FGF14: variants seen among roughly 807,000 people sequenced by gnomAD.
FGF14 encodes fibroblast growth factor 14.
FGF14 carries 5 observed loss-of-function variants against 25.5 expected under a neutral mutation model. The observed-to-expected ratio is 0.20, with a 90% CI of 0.10 to 0.41. The LOEUF (loss-of-function observed/expected upper bound fraction) is 0.41. Among genes scored for constraint, FGF14 ranks in the 10% least tolerant of loss-of-function variants. FGF14 has a pLI of 1.00. For synonymous variants in FGF14, 138 were observed against 118.3 expected (o/e 1.17, Z -1.08); for missense variants, 222 against 320.1 (o/e 0.69, Z 2.34).
intron 1 of FGF14, among the ~76,000 whole-genome samples, chr13:101,909,817 C>A (rs1197734895): frequency 6.6e-6 from 1 of 152,118 alleles, no homozygotes; most frequent in African/African-American, 2.4e-5. Context: ...GCACTATTCA[C>A]AATAGCAAAG....
chr13:102,081,079 A>G (rs550338062), intron 1 of FGF14, among the ~76,000 whole-genome samples: 1 of 152,384 alleles, frequency 6.6e-6, no homozygotes, highest in Non-Finnish European at 1.5e-5. Context: ...GAAGGTTGAA[A>G]TAGCAGGAGG....
intron 1 of FGF14, among the ~76,000 whole-genome samples, chr13:102,370,123 CTGGAATGACAGGCA>C (rs1212628869): frequency 5.3e-5 from 8 of 152,202 alleles, no homozygotes; most frequent in African/African-American, 1.9e-4. Context: ...TCCTGAGTAG[CTGGAATGACAGGCA>C]TATGCCACCA....
At chr13:102,357,118 A>G (rs534047800) in intron 1 of FGF14, among the ~76,000 whole-genome samples, 1,019 of 61,516 alleles carry the variant, frequency 0.017, 11 homozygotes, top group African/African-American at 0.053. Context: ...TACTTCCATT[A>G]TAATGTTTTT....
chr13:101,728,781 T>G (rs1443822136), intron 3 of FGF14, among the ~76,000 whole-genome samples: 1 of 152,146 alleles, frequency 6.6e-6, no homozygotes, highest in African/African-American at 2.4e-5. Context: ...CAGGGGAATC[T>G]GGCTCTGCCT....
intron 1 of FGF14, among the ~76,000 whole-genome samples, chr13:102,226,639 A>T (rs2050836749): frequency 6.6e-6 from 1 of 152,074 alleles, no homozygotes; most frequent in Non-Finnish European, 1.5e-5. Context: ...TCATCTCTGA[A>T]ATCTGCTTAT....
intron 3 of FGF14, among the ~76,000 whole-genome samples, chr13:101,867,829 T>C (rs188042689): frequency 6.6e-6 from 1 of 150,948 alleles, no homozygotes; most frequent in East Asian, 2.0e-4. Context: ...ATTTCCCAAA[T>C]TGACTGAAGA....
At chr13:102,275,086 G>A (rs963801507) in intron 1 of FGF14, among the ~76,000 whole-genome samples, 5 of 151,916 alleles carry the variant, frequency 3.3e-5, no homozygotes, top group African/African-American at 7.3e-5. Flanking sequence ...CATATTTGAA[G>A]CATTTTCTCC....
At chr13:101,935,646 C>T (rs1028903915) in intron 1 of FGF14, among the ~76,000 whole-genome samples, 8 of 152,104 alleles carry the variant, frequency 5.3e-5, no homozygotes, top group African/African-American at 1.9e-4. Context: ...TGAGGCCTCC[C>T]CAGCCATGCG....
At chr13:101,934,824 C>T (rs754648428) in intron 1 of FGF14, among the ~76,000 whole-genome samples, 5 of 152,044 alleles carry the variant, frequency 3.3e-5, no homozygotes, top group African/African-American at 4.8e-5. Flanking sequence ...GACTGTCTGC[C>T]GGGTGAGTAT....
At chr13:102,074,576 A>G (rs1380807622) in intron 1 of FGF14, among the ~76,000 whole-genome samples, 1 of 152,244 alleles carries the variant, frequency 6.6e-6, no homozygotes, top group Non-Finnish European at 1.5e-5. Flanking sequence ...GAATACTTCT[A>G]AACATTTTAT....
At chr13:101,893,269 G>T (rs2030048391) in intron 1 of FGF14, among the ~76,000 whole-genome samples, 1 of 152,194 alleles carries the variant, frequency 6.6e-6, no homozygotes, top group Non-Finnish European at 1.5e-5. Flanking sequence ...GCCTCTGGCA[G>T]GTTTTTCCTG....
At chr13:102,225,396 G>T (rs2050787769) in intron 1 of FGF14, among the ~76,000 whole-genome samples, 1 of 152,122 alleles carries the variant, frequency 6.6e-6, no homozygotes, top group Admixed American at 6.5e-5. Flanking sequence ...GCTAGACCAG[G>T]CTAGCCCTCC....
chr13:102,244,858 A>G (rs2051783068), intron 1 of FGF14, among the ~76,000 whole-genome samples: 1 of 152,060 alleles, frequency 6.6e-6, no homozygotes, highest in Non-Finnish European at 1.5e-5. Context: ...ACACACATAA[A>G]TACACAGAGG....
chr13:101,916,779 A>C lies in FGF14; in HGVS notation c.-134T>G. On this transcript the variant is annotated 5_prime_UTR_variant, in exon 1 of 5. Transcript: ENST00000376143. ...GAGGGGGTGCCAGGCGGGACTGGGGAGAGGGGAAGGGGGGCTCAGTCCTGA... is the reference window on the plus strand; with the variant it reads ...GAGGGGGTGCCAGGCGGGACTGGGGCGAGGGGAAGGGGGGCTCAGTCCTGA... 1 of 756,284 alleles carries C rather than the reference A, an allele frequency of 1.3e-6. No individual in the cohort carries two copies. The highest frequency in any genetic ancestry group is 2.1e-6 in the Non-Finnish European group (1 of 487,566). The allele number at this position is 756,284 out of a possible 1,614,324, so 46.8% of individuals were successfully genotyped here. A position where few individuals can be genotyped will look rare whatever the true frequency, so the allele number is the denominator to read the frequency against.
At chr13:102,129,297 AT>A (rs993044620) in intron 1 of FGF14, among the ~76,000 whole-genome samples, 1 of 151,988 alleles carries the variant, frequency 6.6e-6, no homozygotes, top group East Asian at 1.9e-4. Flanking sequence ...CCCTTTAAGG[AT>A]TTTTTTTCAC....
chr13:102,040,564 A>G (rs1469015931), intron 1 of FGF14, among the ~76,000 whole-genome samples: 1 of 152,156 alleles, frequency 6.6e-6, no homozygotes, highest in Non-Finnish European at 1.5e-5. Flanking sequence ...ATGTCACAAA[A>G]ATACAGTGAA....
At chr13:102,208,474 A>G (rs1376399512) in intron 1 of FGF14, among the ~76,000 whole-genome samples, 1 of 152,220 alleles carries the variant, frequency 6.6e-6, no homozygotes, top group African/African-American at 2.4e-5. Flanking sequence ...TATCTTGTGA[A>G]TATCATAAAT....
chr13:102,113,277 G>T (rs970211139), intron 1 of FGF14, among the ~76,000 whole-genome samples: 5 of 152,178 alleles, frequency 3.3e-5, no homozygotes, highest in African/African-American at 1.2e-4. Context: ...TTTGGATTCT[G>T]TATTCATTAG....
chr13:102,227,455 C>T (rs1166862953), intron 1 of FGF14, among the ~76,000 whole-genome samples: 2 of 152,104 alleles, frequency 1.3e-5, no homozygotes, highest in African/African-American at 4.8e-5. Context: ...TATGTAATCT[C>T]TCTGAGAGCA....
Sources: allele counts gnomAD v4.1 joint callset (sites outside exome capture counted in the v4.1 genomes callset), GRCh38; gene constraint gnomAD v4.1.1; transcripts MANE v1.5; gene names NCBI Gene and HGNC (gene_info 2026-07-23, HGNC 2026-07-21).